The following GJB7 variants were observed in gnomAD, a reference collection of about 807,000 sequenced individuals.
The protein encoded by GJB7 is gap junction beta-7 protein.
For synonymous variants in GJB7, 87 were observed against 95.2 expected (o/e 0.91, Z 0.50); for missense variants, 253 against 256.8 (o/e 0.99, Z 0.10).
In GJB7 at chr6:87,283,728, T is replaced by C. The variant is rs1214834035; in HGVS notation, c.*513A>G. On this transcript the variant is annotated 3_prime_UTR_variant, in exon 3 of 3. Coordinates refer to ENST00000525899, the MANE Select transcript of GJB7 (RefSeq NM_198568.3). Reference sequence around the variant, plus strand: ...AGATTGCCAGTTCCTTCATTTCAGCTCGGAGGCCATCACATTTGCCTAAAG... The same window carrying C: ...AGATTGCCAGTTCCTTCATTTCAGCCCGGAGGCCATCACATTTGCCTAAAG... The C allele has an allele frequency of 6.5e-6, 1 of 153,114 alleles. No homozygotes were observed. Among genetic ancestry groups the C allele is most frequent in the African/African-American group, 2.4e-5 (1 of 41,458 alleles). 9.5% of individuals were successfully genotyped at this position (153,114 alleles called of 1,614,324 possible).
chr6:87,315,436 A>G (rs568730200), intron 2 of GJB7, among the ~76,000 whole-genome samples: 1 of 152,326 alleles, frequency 6.6e-6, no homozygotes, highest in East Asian at 1.9e-4. Context: ...GTATTTTAAC[A>G]GGATAGAAAC....
chr6:87,287,701 A>T (rs1274696450), intron 2 of GJB7, among the ~76,000 whole-genome samples: 1 of 152,166 alleles, frequency 6.6e-6, no homozygotes, highest in Non-Finnish European at 1.5e-5. Flanking sequence ...TGTCTGTATT[A>T]CTCAAGAGGA....
intron 2 of GJB7, among the ~76,000 whole-genome samples, chr6:87,310,765 T>C (rs1410629509): frequency 1.3e-5 from 2 of 152,156 alleles, no homozygotes; most frequent in Non-Finnish European, 2.9e-5. Flanking sequence ...AAAATAAGCA[T>C]ATAAATGGAT....
intron 2 of GJB7, among the ~76,000 whole-genome samples, chr6:87,285,543 C>A (rs1382791806): frequency 6.6e-6 from 1 of 152,196 alleles, no homozygotes; most frequent in Non-Finnish European, 1.5e-5. Flanking sequence ...TCCAGACTGA[C>A]ATATTCATAC....
At chr6:87,292,864 T>C (rs1776198332) in intron 2 of GJB7, among the ~76,000 whole-genome samples, 1 of 152,148 alleles carries the variant, frequency 6.6e-6, no homozygotes, top group African/African-American at 2.4e-5. Flanking sequence ...ATGAAACCCA[T>C]GTCTCAGAGC....
In GJB7 at chr6:87,325,628, G is replaced by C. The variant is rs374804141; in HGVS notation, c.-205-2585C>G. Among the ~76,000 whole-genome samples the C allele has an allele frequency of 6.6e-5, 10 of 151,258 alleles. No homozygotes were observed. In the East Asian group the frequency reaches 1.9e-3, roughly 29 times the overall value. The stretch of plus-strand genomic sequence containing the variant: ...CCAGGGATGAAGCCCACTTGATCAT[G>C]GTGGATAAGCTTTTTGATGTGCTGC... On this transcript the variant is annotated intron_variant, in intron 1 of 2. Coordinates refer to ENST00000525899, the MANE Select transcript of GJB7 (RefSeq NM_198568.3).
intron 2 of GJB7, among the ~76,000 whole-genome samples, chr6:87,306,151 G>A (rs1217377486): frequency 6.6e-6 from 1 of 151,870 alleles, no homozygotes; most frequent in African/African-American, 2.4e-5. Flanking sequence ...CAAAAGCAAT[G>A]GCAACAAAAG....
chr6:87,328,977 G>A (rs1429282087), intron 1 of GJB7, among the ~76,000 whole-genome samples, 161 bp downstream of exon 1: 1 of 152,172 alleles, frequency 6.6e-6, no homozygotes, highest in Non-Finnish European at 1.5e-5. Flanking sequence ...TAAGCCCGTC[G>A]GAAAAGCGCA....
At chr6:87,302,822 C>A (rs1212984) in intron 2 of GJB7, among the ~76,000 whole-genome samples, 56,363 of 151,704 alleles carry the variant, frequency 0.37, 12,050 homozygotes, top group Non-Finnish European at 0.48. Context: ...AGACTAACAG[C>A]GGATCTCTTG....
At chr6:87,295,806 A>G (rs1162557249) in intron 2 of GJB7, among the ~76,000 whole-genome samples, 1 of 152,232 alleles carries the variant, frequency 6.6e-6, no homozygotes, top group African/African-American at 2.4e-5. Flanking sequence ...CATATTTTCA[A>G]TATTTGCACT....
chr6:87,299,909 T>A (rs914719454), intron 2 of GJB7: 2 of 273,048 alleles, frequency 7.3e-6, no homozygotes, highest in Non-Finnish European at 1.5e-5. Flanking sequence ...AACTAGTGAA[T>A]ATGAAAAGGA....
intron 2 of GJB7, among the ~76,000 whole-genome samples, chr6:87,293,371 GTTACTGGGCAA>G (rs1246389870): frequency 2.6e-5 from 4 of 152,018 alleles, no homozygotes; most frequent in African/African-American, 4.8e-5. Context: ...TATTAGTTAT[GTTACTGGGCAA>G]TTACTGGATA....
intron 2 of GJB7, among the ~76,000 whole-genome samples, chr6:87,292,176 A>C (rs1039567884): frequency 3.3e-5 from 5 of 152,228 alleles, no homozygotes; most frequent in Non-Finnish European, 5.9e-5. Context: ...ACTGGAAAAA[A>C]TCCAAAATCG....
In GJB7 at chr6:87,297,631, C is replaced by A. The variant is rs528271092; in HGVS notation, c.-27-12692G>T. 1.8e-3 allele frequency among the ~76,000 whole-genome samples: 272 copies of A among 152,112 alleles called. 1 individual carries two copies. Among genetic ancestry groups the A allele is most frequent in the Non-Finnish European group, 2.2e-3 (148 of 67,978 alleles). ...GTTGATTCTCTAGAGAAAATTTAAC[C>A]AAGTTACTGTCACATGAAAAGGCAA... is the stretch of plus-strand genomic sequence containing the variant. On this transcript the variant is annotated intron_variant, in intron 2 of 2. Transcript: ENST00000525899.
chr6:87,325,750 G>A (rs570336762), intron 1 of GJB7, among the ~76,000 whole-genome samples: 21 of 152,236 alleles, frequency 1.4e-4, no homozygotes, highest in African/African-American at 3.9e-4. Flanking sequence ...GTCTCTGCCC[G>A]GCTTTCATAT....
At chr6:87,286,748 ACTCTGAAAG>A (rs1037755053) in intron 2 of GJB7, among the ~76,000 whole-genome samples, 1 of 151,886 alleles carries the variant, frequency 6.6e-6, no homozygotes, top group Non-Finnish European at 1.5e-5. Flanking sequence ...TCTCAAAACC[ACTCTGAAAG>A]GTGGTTTTTG....
At chr6:87,299,419 A>G in intron 2 of GJB7, 1 of 478,518 alleles carries the variant, frequency 2.1e-6, no homozygotes, top group Admixed American at 2.3e-5. Flanking sequence ...TTGAGGCTAT[A>G]TTTCTCCATA....
intron 2 of GJB7, among the ~76,000 whole-genome samples, chr6:87,314,075 G>GCT (rs1776547986): frequency 6.6e-6 from 1 of 152,180 alleles, no homozygotes; most frequent in African/African-American, 2.4e-5. Flanking sequence ...CATTTCATAA[G>GCT]GTACTGCTTT....
intron 2 of GJB7, among the ~76,000 whole-genome samples, chr6:87,290,822 G>A (rs1776157926): frequency 6.6e-6 from 1 of 152,218 alleles, no homozygotes; most frequent in Admixed American, 6.5e-5. Flanking sequence ...AGTTGCGACA[G>A]AGACAGTATG....
Sources: gnomAD v4.1 joint callset for allele counts (sites outside exome capture counted in the v4.1 genomes callset) on GRCh38, gnomAD v4.1.1 for gene constraint, MANE v1.5 for transcripts, NCBI Gene and HGNC (gene_info 2026-07-23, HGNC 2026-07-21) for gene names.